OSMR: variants seen among roughly 807,000 people sequenced by gnomAD.
OSMR encodes the protein oncostatin-M-specific receptor subunit beta.
A neutral mutation model predicts 99.9 loss-of-function variants in OSMR; 81 were observed. The ratio of observed to expected loss-of-function variants is 0.81; its 90% CI spans 0.68 to 0.97. The LOEUF is 0.97. OSMR is among the 50% of genes least tolerant of loss of function. The pLI, the probability that OSMR is intolerant of heterozygous loss-of-function variation, is 0.00. For synonymous variants in OSMR, 406 were observed against 410.4 expected (o/e 0.99, Z 0.13); for missense variants, 1,099 against 1,153.4 (o/e 0.95, Z 0.68).
At chr5:38,871,477 C>T (rs1353667246) in intron 2 of OSMR, among the ~76,000 whole-genome samples, 1 of 152,230 alleles carries the variant, frequency 6.6e-6, no homozygotes, top group African/African-American at 2.4e-5. Context: ...CAAGTACTTA[C>T]TAAACTCCCA....
At chr5:38,943,658 C>T (rs71621891) in intron 1 of OSMR, among the ~76,000 whole-genome samples, 1 of 152,008 alleles carries the variant, frequency 6.6e-6, no homozygotes, top group African/African-American at 2.4e-5. Context: ...ACTAAAAATA[C>T]AAAAATTAGC....
rs1745059378 is a variant in OSMR at position 38,904,003 on chromosome 5, T to C, written c.1113T>C (p.His371=). ...NFTYLCQIEL[H]GEGKMMQYNV... ...CATATTTGTGTCAGATTGAACTCCA[T>C]GGTGAAGGAAAAATGATGCAAGTAA... The change falls in exon 8 of 18, where the codon CAT becomes CAC. Residue 371 remains histidine, a synonymous_variant. Transcript: ENST00000274276. The C allele has an allele frequency of 1.2e-6, 2 of 1,614,118 alleles. No homozygotes were observed. The highest frequency in any genetic ancestry group is 1.7e-6 in the Non-Finnish European group (2 of 1,179,992).
downstream of OSMR, chr5:38,938,160 A>G (rs895301360): frequency 9.2e-6 from 2 of 218,050 alleles, no homozygotes; most frequent in African/African-American, 4.5e-5. Context: ...TTACAGTTAT[A>G]CAATATAAAT....
chr5:38,944,772 C>T, intron 2 of OSMR: 1 of 878,912 alleles, frequency 1.1e-6, no homozygotes, highest in Non-Finnish European at 1.8e-6. Context: ...CAATAATTAA[C>T]AGTGTTAAAT....
rs113413897 is a variant in OSMR at position 38,924,432 on chromosome 5, C to A, written c.1881C>A (p.Asp627Glu). ...AACTTCTTTTCCTAGCTCCTTCAGA[C>A]AACCCTCACGTGCTGGTGGATACAT... is the stretch of plus-strand genomic sequence containing the variant. ...TGYSQELAPS[D>E]NPHVLVDTLT... Residue 627 changes from aspartate to glutamate, a missense_variant, in exon 14 of 18, where the codon GAC becomes GAA. By Grantham distance (45) the Asp-to-Glu change is conservative. Coordinates refer to ENST00000274276, the MANE Select transcript of OSMR (RefSeq NM_003999.3). 438 of 1,614,164 alleles carry A rather than the reference C, an allele frequency of 2.7e-4. No homozygotes were observed. The African/African-American group carries it at 5.2e-3, about 19-fold the overall frequency.
rs548929045 is a variant in OSMR at position 38,855,016 on chromosome 5, G to T, written c.-14+8629G>T. Among the ~76,000 whole-genome samples, 477 of 152,282 alleles carry T rather than the reference G, an allele frequency of 3.1e-3. 4 individuals are homozygous for T. Among genetic ancestry groups the T allele is most frequent in the Non-Finnish European group, 2.8e-3 (191 of 68,028 alleles). On this transcript the variant is annotated intron_variant, in intron 1 of 17. Transcript: ENST00000274276. ...AGAGCTGGCTGCCTTTCTTGTGCCA[G>T]AAGCAGAGCTGCAGAGGAGACACCA...
downstream of OSMR, chr5:38,945,223 G>A: frequency 1.6e-6 from 1 of 639,572 alleles, no homozygotes; most frequent in Non-Finnish European, 2.6e-6. Flanking sequence ...CATAGAAAAT[G>A]AAAATAACTA....
At chr5:38,928,762 A>C (rs1746587340) in intron 15 of OSMR, among the ~76,000 whole-genome samples, 1 of 152,208 alleles carries the variant, frequency 6.6e-6, no homozygotes, top group Non-Finnish European at 1.5e-5. Context: ...CTAGGTTTCC[A>C]AACCAAAATC....
intron 7 of OSMR, among the ~76,000 whole-genome samples, chr5:38,887,966 G>A (rs1743901154): frequency 2.6e-5 from 4 of 152,130 alleles, no homozygotes; most frequent in African/African-American, 9.7e-5. Context: ...TTTCGCGCCG[G>A]TTTGGATAAA....
intron 1 of OSMR, among the ~76,000 whole-genome samples, chr5:38,868,509 A>C (rs981607405): frequency 5.9e-5 from 9 of 152,192 alleles, no homozygotes; most frequent in African/African-American, 2.2e-4. Flanking sequence ...ATAGTTAATA[A>C]GTCTCATGAG....
At chr5:38,868,446 C>A (rs1030205127) in intron 1 of OSMR, among the ~76,000 whole-genome samples, 7 of 152,086 alleles carry the variant, frequency 4.6e-5, no homozygotes, top group Non-Finnish European at 7.4e-5. Flanking sequence ...GGGAGGGACC[C>A]AGGGGGAGGT....
intron 9 of OSMR, among the ~76,000 whole-genome samples, chr5:38,915,192 G>A (rs1745823288): frequency 6.6e-6 from 1 of 152,174 alleles, no homozygotes; most frequent in South Asian, 2.1e-4. Context: ...GAAGTCTGGA[G>A]GTTAAAGTAG....
intron 1 of OSMR, among the ~76,000 whole-genome samples, chr5:38,857,713 G>A (rs1353566040): frequency 1.3e-5 from 2 of 151,660 alleles, no homozygotes; most frequent in Admixed American, 1.3e-4. Context: ...TGTCGCCTAG[G>A]CTGGAGTGCA....
chr5:38,915,380 G>A (rs530822657), intron 9 of OSMR, among the ~76,000 whole-genome samples: 123 of 152,262 alleles, frequency 8.1e-4, no homozygotes, highest in Non-Finnish European at 4.9e-4. Flanking sequence ...TGTTTTTCTC[G>A]ATTAAAATAA....
intron 2 of OSMR, among the ~76,000 whole-genome samples, chr5:38,875,692 A>G (rs1002529361): frequency 2.0e-5 from 3 of 152,204 alleles, no homozygotes; most frequent in African/African-American, 7.2e-5. Flanking sequence ...GGTCTCATCG[A>G]AAGAGTTCAG....
At chr5:38,883,640 G>A in intron 4 of OSMR, 187 bp from the exon 5 acceptor site, 2 of 921,286 alleles carry the variant, frequency 2.2e-6, no homozygotes, top group Non-Finnish European at 2.6e-6. Context: ...GTAACAATAG[G>A]AGCAGTGGTG....
At chr5:38,861,285 T>G (rs1281453289) in intron 1 of OSMR, among the ~76,000 whole-genome samples, 1 of 152,072 alleles carries the variant, frequency 6.6e-6, no homozygotes, top group Non-Finnish European at 1.5e-5. Flanking sequence ...GCAGTGTTTG[T>G]GTCCCTGGGT....
chr5:38,872,018 AAG>A (rs1288387681), intron 2 of OSMR, among the ~76,000 whole-genome samples: 1 of 152,194 alleles, frequency 6.6e-6, no homozygotes, highest in African/African-American at 2.4e-5. Flanking sequence ...GCATTATAAA[AAG>A]AGAGCTGGAC....
downstream of OSMR, among the ~76,000 whole-genome samples, chr5:38,937,045 C>CT (rs1488370892): frequency 6.6e-6 from 1 of 152,060 alleles, no homozygotes. The surrounding 1 kb of genome is among the most constrained non-coding windows in gnomAD (Gnocchi z 4.0). Flanking sequence ...GGCCAACTAC[C>CT]TTTTTTTGAG....
Sources: allele counts gnomAD v4.1 joint callset (sites outside exome capture counted in the v4.1 genomes callset), GRCh38; gene constraint gnomAD v4.1.1; non-coding constraint Gnocchi (gnomAD v3.1); transcripts MANE v1.5; gene names NCBI Gene and HGNC (gene_info 2026-07-23, HGNC 2026-07-21).